Variants in DAB1 observed in about 807,000 individuals in gnomAD.
DAB1 encodes DAB adaptor protein 1.
Under a neutral mutation model 64.6 loss-of-function variants are expected in DAB1, and 15 were observed. The observed-to-expected ratio is 0.23, with a 90% CI of 0.16 to 0.36. The LOEUF is 0.36. Among genes scored for constraint, DAB1 ranks in the 10% least tolerant of loss-of-function variants. The pLI is 1.00. For missense variants in DAB1, 596 were observed against 706.7 expected, an observed-to-expected ratio of 0.84 and a Z score of 1.78; for synonymous variants, 235 against 251.9, an observed-to-expected ratio of 0.93 and a Z score of 0.64.
chr1:58,199,189 T>A (rs1367501548), intron 4 of DAB1, among the ~76,000 whole-genome samples: 1 of 152,134 alleles, frequency 6.6e-6, no homozygotes, highest in Non-Finnish European at 1.5e-5. Context: ...AGAGGCAGCC[T>A]CAAAAACAGG....
chr1:57,556,733 C>T (rs1644993463), intron 7 of DAB1, among the ~76,000 whole-genome samples: 1 of 152,148 alleles, frequency 6.6e-6, no homozygotes, highest in African/African-American at 2.4e-5. Flanking sequence ...TGTGGGTTGT[C>T]TGTTTACTTT....
chr1:58,156,448 T>C (rs1272270073), intron 4 of DAB1, among the ~76,000 whole-genome samples: 2 of 152,224 alleles, frequency 1.3e-5, no homozygotes, highest in African/African-American at 4.8e-5. Context: ...CTACACCCTC[T>C]ATTTCCACTC....
intron 5 of DAB1, among the ~76,000 whole-genome samples, chr1:58,069,443 G>GT (rs543577206): frequency 6.6e-6 from 1 of 152,144 alleles, no homozygotes; most frequent in Non-Finnish European, 1.5e-5. Context: ...AACAAGAATT[G>GT]TAACTATCCT....
intron 4 of DAB1, among the ~76,000 whole-genome samples, chr1:58,239,084 C>G (rs555768305): frequency 6.6e-6 from 1 of 152,228 alleles, no homozygotes; most frequent in South Asian, 2.1e-4. Flanking sequence ...AGGACCCTCC[C>G]GGAATGCTGT....
At chr1:57,321,312 C>T (rs529783483) in intron 1 of DAB1, among the ~76,000 whole-genome samples, 1 of 152,268 alleles carries the variant, frequency 6.6e-6, no homozygotes, top group African/African-American at 2.4e-5. Flanking sequence ...GAAAGCAGGA[C>T]TCACATCTAT....
At chr1:57,772,159 A>G (rs1649592072) in intron 6 of DAB1, among the ~76,000 whole-genome samples, 1 of 152,066 alleles carries the variant, frequency 6.6e-6, no homozygotes, top group Admixed American at 6.6e-5. Flanking sequence ...GGTTTCTTAT[A>G]AAAGGATAAG....
intron 1 of DAB1, among the ~76,000 whole-genome samples, chr1:57,400,083 C>T (rs1309783756): frequency 1.3e-5 from 2 of 152,172 alleles, no homozygotes; most frequent in Non-Finnish European, 2.9e-5. Flanking sequence ...GAATTATCAT[C>T]TAAATGTCTT....
At chr1:57,508,139 G>A (rs1315072146) in intron 7 of DAB1, among the ~76,000 whole-genome samples, 2 of 152,122 alleles carry the variant, frequency 1.3e-5, no homozygotes, top group African/African-American at 2.4e-5. Context: ...CATCCCGGGG[G>A]TAACCTGGAC....
At chr1:57,789,037 A>G (rs908205685) in intron 6 of DAB1, among the ~76,000 whole-genome samples, 16 of 152,104 alleles carry the variant, frequency 1.1e-4, no homozygotes, top group Non-Finnish European at 2.4e-4. Context: ...CAAAACAAAA[A>G]TCTTGGAGAA....
Position 57,136,640 on chromosome 1 carries a change from C to T in DAB1, c.209G>A (p.Gly70Asp), listed in dbSNP as rs776275848. 5 of 1,511,926 alleles carry T rather than the reference C, an allele frequency of 3.3e-6. No individual in the cohort carries two copies. Among genetic ancestry groups the T allele is most frequent in the Non-Finnish European group, 4.5e-6 (5 of 1,114,672 alleles). The allele number at this position is 1,511,926 out of a possible 1,614,324, so 93.7% of individuals were successfully genotyped here. A position where few individuals can be genotyped will look rare whatever the true frequency, so the allele number is the denominator to read the frequency against. ...TTTGGAACGAGCGCCAGCAACAACG[C>T]CCTGTTGAAAGGAAGAACATGGTTT... ...LCQDSMMKLK[G>D]VVAGARSKGE... is the part of the protein sequence containing the mutation. Residue 70 changes from glycine (G) to aspartate (D), a missense_variant and splice_region_variant, in exon 4 of 15, where the codon GGC becomes GAC. Around this residue, in one of 3 missense-constraint regions of DAB1, gnomAD observed 176 missense variants for 266.7 expected, o/e 0.66. Coordinates refer to ENST00000371236, the MANE Select transcript of DAB1 (RefSeq NM_001365792.1).
chr1:58,005,419 T>C (rs1325449), intron 5 of DAB1, among the ~76,000 whole-genome samples: 92,900 of 151,812 alleles, frequency 0.61, 29,740 homozygotes, highest in East Asian at 0.97. Context: ...TGAGGCTCCT[T>C]CCTTTACAGC....
At chr1:57,424,419 G>A (rs190199207), upstream of DAB1, among the ~76,000 whole-genome samples, 3 of 151,988 alleles carry the variant, frequency 2.0e-5, no homozygotes, top group Non-Finnish European at 2.9e-5. Flanking sequence ...CCATCCCAGC[G>A]TGGAAGGGGG....
chr1:57,403,542 T>C (rs1683409436), intron 1 of DAB1, among the ~76,000 whole-genome samples: 1 of 152,120 alleles, frequency 6.6e-6, no homozygotes, highest in African/African-American at 2.4e-5. Context: ...GAGTCAAAAT[T>C]CTAAACTCAA....
chr1:57,648,482 C>T, intron 7 of DAB1, among the ~76,000 whole-genome samples: 1 of 152,186 alleles, frequency 6.6e-6, no homozygotes, highest in East Asian at 1.9e-4. Flanking sequence ...GTTTCTCAGC[C>T]TCCTCACCAG....
intron 4 of DAB1, among the ~76,000 whole-genome samples, chr1:57,113,286 A>G (rs1208616085): frequency 2.0e-5 from 3 of 152,242 alleles, no homozygotes; most frequent in South Asian, 2.1e-4. Context: ...TAGAAATCCT[A>G]TAAAATAGGT....
chr1:57,074,307 A>C (rs910497618), intron 4 of DAB1, among the ~76,000 whole-genome samples: 3 of 152,180 alleles, frequency 2.0e-5, no homozygotes, highest in Admixed American at 1.3e-4. Flanking sequence ...TTTTTTTGGT[A>C]GACAGATTCT....
At chr1:57,883,897 C>G (rs1644184387) in intron 1 of DAB1, 1 of 152,138 alleles carries the variant, frequency 6.6e-6, no homozygotes, top group Admixed American at 6.5e-5. Flanking sequence ...AGTATTGGAG[C>G]CGCTTTTGAA....
intron 7 of DAB1, among the ~76,000 whole-genome samples, chr1:57,512,618 T>C (rs1644418005): frequency 6.6e-6 from 1 of 152,196 alleles, no homozygotes; most frequent in Non-Finnish European, 1.5e-5. Context: ...CATGCCGGTG[T>C]TTGCTCATGT....
intron 2 of DAB1, among the ~76,000 whole-genome samples, chr1:57,188,531 T>G (rs1663821747): frequency 1.3e-5 from 2 of 152,204 alleles, no homozygotes; most frequent in East Asian, 3.9e-4. Context: ...AAACAAGAGC[T>G]GTCACTGGGA....
Sources: allele counts gnomAD v4.1 joint callset (sites outside exome capture counted in the v4.1 genomes callset), GRCh38; gene constraint gnomAD v4.1.1; regional missense constraint gnomAD v4.1.1; transcripts MANE v1.5; gene names NCBI Gene and HGNC (gene_info 2026-07-23, HGNC 2026-07-21).